The following SCEL variants were observed in gnomAD, a reference collection of about 807,000 sequenced individuals.
SCEL encodes sciellin.
Under a neutral mutation model 117.6 loss-of-function variants are expected in SCEL, and 113 were observed. The ratio of observed to expected loss-of-function variants is 0.96; its 90% CI spans 0.83 to 1.12. SCEL has a LOEUF of 1.12. Ranked by LOEUF, SCEL falls within the 50% of genes most tolerant of loss-of-function variation. The pLI, the probability that SCEL is intolerant of heterozygous loss-of-function variation, is 0.00. For synonymous variants in SCEL, 270 were observed against 256.2 expected (o/e 1.05, Z -0.51); for missense variants, 785 against 810.8 (o/e 0.97, Z 0.39).
chr13:77,571,372 A>G (rs1202320898), intron 8 of SCEL, among the ~76,000 whole-genome samples: 1 of 77,134 alleles, frequency 1.3e-5, no homozygotes, highest in South Asian at 6.3e-4. Flanking sequence ...CAGCGAGACT[A>G]CATCTCAAAA....
rs567540802 is a variant in SCEL at position 77,617,744 on chromosome 13, T to C, written c.1512-59T>C. 281 of 1,497,870 alleles carry C rather than the reference T, an allele frequency of 1.9e-4. 1 individual carries two copies. The African/African-American group carries it at 3.5e-3, about 19-fold the overall frequency. The allele number at this position is 1,497,870 out of a possible 1,614,324, so 92.8% of individuals were successfully genotyped here. On this transcript the variant is annotated intron_variant, in intron 25 of 32. Coordinates refer to ENST00000349847, the MANE Select transcript of SCEL (RefSeq NM_144777.3). ...ACTTCAAGCAGATTTATAACCTTAATGATATTACCAAAAGAACTTCAAAAT... is the reference window on the plus strand; with the variant it reads ...ACTTCAAGCAGATTTATAACCTTAACGATATTACCAAAAGAACTTCAAAAT...
intron 5 of SCEL, among the ~76,000 whole-genome samples, chr13:77,565,060 A>ATTT (rs1226441764): frequency 6.6e-6 from 1 of 152,148 alleles, no homozygotes; most frequent in Non-Finnish European, 1.5e-5. Context: ...CTAGGAATGA[A>ATTT]TTTTAAAGTG....
intron 1 of SCEL, among the ~76,000 whole-genome samples, chr13:77,551,851 C>G (rs1273107146): frequency 4.3e-5 from 5 of 115,174 alleles, no homozygotes; most frequent in South Asian, 7.6e-4. Flanking sequence ...CCCCTCCCCC[C>G]ACCCCACAAC....
intron 5 of SCEL, among the ~76,000 whole-genome samples, chr13:77,567,110 G>A (rs2085332587): frequency 1.3e-5 from 2 of 152,060 alleles, no homozygotes; most frequent in Non-Finnish European, 2.9e-5. Flanking sequence ...AATGAAAATA[G>A]AGTTAAATGC....
intron 28 of SCEL, among the ~76,000 whole-genome samples, chr13:77,628,539 A>G (rs1295678984): frequency 6.6e-6 from 1 of 152,146 alleles, no homozygotes; most frequent in Non-Finnish European, 1.5e-5. Flanking sequence ...TGGCCATTAC[A>G]AGAAAGGTTA....
Position 77,636,305 on chromosome 13 carries a change from T to C in SCEL, c.1764-815T>C, listed in dbSNP as rs149830700. Reference sequence around the variant, plus strand: ...TGCATCCTCCATAAATATGTGCAAATTTTTTTGTAGCATTGTGGGATTATG... The same window carrying C: ...TGCATCCTCCATAAATATGTGCAAACTTTTTTGTAGCATTGTGGGATTATG... On this transcript the variant is annotated intron_variant, in intron 29 of 32. Coordinates refer to ENST00000349847, the MANE Select transcript of SCEL (RefSeq NM_144777.3). 4.4e-3 allele frequency among the ~76,000 whole-genome samples: 665 copies of C among 152,280 alleles called. 8 individuals are homozygous for C. Among genetic ancestry groups the C allele is most frequent in the African/African-American group, 0.015 (642 of 41,564 alleles).
intron 30 of SCEL, 137 bp downstream of exon 30, chr13:77,637,331 T>TATATAAACATATATACAC (rs2090338733): frequency 6.0e-6 from 1 of 166,238 alleles, no homozygotes; most frequent in East Asian, 1.4e-4. Context: ...TATATATACA[T>TATATAAACATATATACAC]ATATAAACAT....
At position 77,636,059 on chromosome 13, in the gene SCEL, AT is replaced by A. The variant is rs536510805; in HGVS notation, c.1764-1059del. Among the ~76,000 whole-genome samples, 45 of 152,326 alleles carry A rather than the reference AT, an allele frequency of 3.0e-4. No homozygotes were observed. The South Asian group carries it at 6.8e-3, about 23-fold the overall frequency. On this transcript the variant is annotated intron_variant, in intron 29 of 32. Transcript: ENST00000349847. The stretch of plus-strand genomic sequence containing the variant: ...CTGTTGACCGGAAGCCTCTGAAAGG[AT>A]TCGTTGCCTCCTGTACCTTAACCTA...
At position 77,597,575 on chromosome 13, in the gene SCEL, C is replaced by A; in HGVS notation, c.783C>A (p.Asn261Lys). ...AATTGGATAATCTCATCAAAATGAA[C>A]AAAAGCTTGAATAGGTAAGATTTTT... ...GEELDNLIKMNKSLNRNQGLD... is the reference protein window; with the variant it reads ...GEELDNLIKMKKSLNRNQGLD... The change falls in exon 13 of 33, where the codon AAC becomes AAA. Residue 261 changes from asparagine (N) to lysine (K), a missense_variant. Transcript: ENST00000349847. 1.4e-6 allele frequency: 2 copies of A among 1,480,500 alleles called. No homozygotes were observed. The highest frequency in any genetic ancestry group is 1.8e-6 in the Non-Finnish European group (2 of 1,088,888). The allele number at this position is 1,480,500 out of a possible 1,614,324, so 91.7% of individuals were successfully genotyped here. A position where few individuals can be genotyped will look rare whatever the true frequency, so the allele number is the denominator to read the frequency against.
chr13:77,559,890 G>C (rs1331242317), intron 4 of SCEL, 27 bp downstream of exon 4: 1 of 1,587,410 alleles, frequency 6.3e-7, no homozygotes, highest in Non-Finnish European at 8.6e-7. Context: ...GTTACATCAT[G>C]AGCAGAAACA....
rs1053986 is a variant in SCEL, at chr13:77,644,448, C to A, written c.*174C>A. 1 of 626,582 alleles carries A rather than the reference C, an allele frequency of 1.6e-6. No homozygotes were observed. Among genetic ancestry groups the A allele is most frequent in the Non-Finnish European group, 2.7e-6 (1 of 370,240 alleles). 38.8% of individuals were successfully genotyped at this position (626,582 alleles called of 1,614,324 possible). A position where few individuals can be genotyped will look rare whatever the true frequency, so the allele number is the denominator to read the frequency against. On this transcript the variant is annotated 3_prime_UTR_variant, in exon 33 of 33. Coordinates refer to ENST00000349847, the MANE Select transcript of SCEL (RefSeq NM_144777.3). ...TAATTGTCTTCAATAAGGTCACACA[C>A]ATAAAAAGAGCCATCTGGTCTCTGG...
intron 9 of SCEL, among the ~76,000 whole-genome samples, chr13:77,585,100 C>T (rs185310331): frequency 6.6e-6 from 1 of 152,224 alleles, no homozygotes; most frequent in Non-Finnish European, 1.5e-5. Context: ...CCCATTTCCT[C>T]CCTGCCAAAG....
At chr13:77,591,896 C>CG (rs938771667) in intron 11 of SCEL, among the ~76,000 whole-genome samples, 8 of 151,916 alleles carry the variant, frequency 5.3e-5, no homozygotes, top group Admixed American at 6.6e-5. Flanking sequence ...CAAATGTCGT[C>CG]GGGGGGGAGG....
rs771819349 is a variant in SCEL at position 77,640,695 on chromosome 13, A to G, written c.1858A>G (p.Met620Val). 1 of 1,591,688 alleles carries G rather than the reference A, an allele frequency of 6.3e-7. No homozygotes were observed. Among genetic ancestry groups the G allele is most frequent in the Non-Finnish European group, 8.6e-7 (1 of 1,164,504 alleles). Residue 620 changes from methionine to valine, a missense_variant, in exon 31 of 33, where the codon ATG (methionine) becomes GTG (valine). Coordinates refer to ENST00000349847, the MANE Select transcript of SCEL (RefSeq NM_144777.3). ...TSDRSVIERD[M>V]CTYCRKPLGV... ...CTATAGGTCTGTCATTGAAAGAGAT[A>G]TGTGCACTTACTGCCGAAAACCCTT...
chr13:77,626,011 A>G (rs545070249), intron 27 of SCEL, among the ~76,000 whole-genome samples: 40 of 152,202 alleles, frequency 2.6e-4, no homozygotes, highest in Middle Eastern at 3.2e-3. Context: ...AACTGTAGTC[A>G]TTGTGTGTAT....
chr13:77,616,758 T>C (rs2089079967), intron 24 of SCEL, among the ~76,000 whole-genome samples: 1 of 148,710 alleles, frequency 6.7e-6, no homozygotes. Context: ...TTTTTTTTTT[T>C]TGAGGAATAA....
At chr13:77,624,347 A>T (rs190181315) in intron 27 of SCEL, among the ~76,000 whole-genome samples, 6 of 151,786 alleles carry the variant, frequency 4.0e-5, no homozygotes, top group Admixed American at 3.9e-4. Context: ...CTCGTGATCC[A>T]CCCACCTCAG....
chr13:77,556,535 A>C, intron 2 of SCEL, 61 bp from the exon 3 acceptor site: 1 of 1,417,316 alleles, frequency 7.1e-7, no homozygotes, highest in East Asian at 2.3e-5. Flanking sequence ...TTTCAGGTTA[A>C]CAAGCCCACG....
intron 19 of SCEL, among the ~76,000 whole-genome samples, chr13:77,605,410 A>C (rs1052097192): frequency 3.9e-5 from 6 of 152,120 alleles, no homozygotes; most frequent in Non-Finnish European, 5.9e-5. Context: ...GAAAACATTG[A>C]TTTCCTTCAG....
Sources: allele counts gnomAD v4.1 joint callset (sites outside exome capture counted in the v4.1 genomes callset), GRCh38; gene constraint gnomAD v4.1.1; transcripts MANE v1.5; gene names NCBI Gene and HGNC (gene_info 2026-07-23, HGNC 2026-07-21).